CDKAL1: variants seen among roughly 807,000 people sequenced by gnomAD.
CDKAL1 encodes threonylcarbamoyladenosine tRNA methylthiotransferase.
In CDKAL1, 32 loss-of-function variants were observed where a neutral mutation model predicts 68.2. The ratio of observed to expected loss-of-function variants is 0.47; its 90% CI spans 0.35 to 0.63. CDKAL1 has a LOEUF of 0.63. CDKAL1 is among the 30% of genes least tolerant of loss of function. The pLI, the probability that CDKAL1 is intolerant of heterozygous loss-of-function variation, is 0.00. For missense variants in CDKAL1, 606 were observed against 696.7 expected (o/e 0.87, Z 1.47); for synonymous variants, 234 against 244.3 (o/e 0.96, Z 0.39).
chr6:21,121,677 C>T (rs924303755), intron 13 of CDKAL1, among the ~76,000 whole-genome samples: 9 of 152,134 alleles, frequency 5.9e-5, no homozygotes, highest in Admixed American at 2.0e-4. Context: ...CACTAGTACT[C>T]ACCACATGGT....
At chr6:21,090,643 T>C (rs1772954140) in intron 12 of CDKAL1, among the ~76,000 whole-genome samples, 1 of 152,104 alleles carries the variant, frequency 6.6e-6, no homozygotes, top group African/African-American at 2.4e-5. Flanking sequence ...TCTAGCCTTA[T>C]CTCAAACTTT....
At chr6:21,008,335 G>A (rs1324088882) in intron 11 of CDKAL1, among the ~76,000 whole-genome samples, 2 of 152,106 alleles carry the variant, frequency 1.3e-5, no homozygotes, top group Non-Finnish European at 2.9e-5. Context: ...CAGAAGTCTA[G>A]GGAACACCAA....
chr6:20,766,614 G>C (rs1354167772), intron 7 of CDKAL1, among the ~76,000 whole-genome samples: 2 of 152,112 alleles, frequency 1.3e-5, no homozygotes, highest in Admixed American at 1.3e-4. Flanking sequence ...TCATGAAGGT[G>C]AGACTACAAG....
chr6:20,832,403 C>T (rs1343814035), intron 8 of CDKAL1, among the ~76,000 whole-genome samples: 3 of 151,274 alleles, frequency 2.0e-5, no homozygotes, highest in African/African-American at 7.3e-5. Context: ...GCAAAGTTGA[C>T]ACCTAGAAAG....
At chr6:21,132,567 C>T (rs1775384471) in intron 13 of CDKAL1, among the ~76,000 whole-genome samples, 1 of 151,850 alleles carries the variant, frequency 6.6e-6, no homozygotes, top group Non-Finnish European at 1.5e-5. Flanking sequence ...GTTCTCTTTC[C>T]AAATTATCTC....
chr6:20,546,535 TC>T lies in CDKAL1; in HGVS notation c.173+14del, dbSNP rs746544453. ...CCACCAAGTGACAGGTAAGCTTTTT[TC>T]CTTGAAATTATATTCATTTTCTTTT... On this transcript the variant is annotated intron_variant, in intron 3 of 15. Coordinates refer to ENST00000274695, the MANE Select transcript of CDKAL1 (RefSeq NM_017774.3). 5 of 1,607,474 alleles carry T rather than the reference TC, an allele frequency of 3.1e-6. No homozygotes were observed. In the Admixed American group the frequency reaches 6.8e-5, roughly 22 times the overall value.
rs1487250652 is a variant in CDKAL1 at position 21,139,965 on chromosome 6, A to G, written c.1299+31502A>G. Among the ~76,000 whole-genome samples, 3 of 152,242 alleles carry G rather than the reference A, an allele frequency of 2.0e-5. 1 individual carries two copies. The highest frequency in any genetic ancestry group is 7.2e-5 in the African/African-American group (3 of 41,464). ...TTCTTCACAATCCCTAATAAGGGAAAGACTGCAAAAACGCACAGATAATTG... is the reference window on the plus strand; with the variant it reads ...TTCTTCACAATCCCTAATAAGGGAAGGACTGCAAAAACGCACAGATAATTG... On this transcript the variant is annotated intron_variant, in intron 13 of 15. Transcript: ENST00000274695.
At chr6:20,644,415 C>T (rs1334015898) in intron 4 of CDKAL1, among the ~76,000 whole-genome samples, 2 of 152,110 alleles carry the variant, frequency 1.3e-5, no homozygotes, top group Non-Finnish European at 2.9e-5. Flanking sequence ...TGGTGGCTCA[C>T]GCCTTTAATC....
Position 20,637,031 on chromosome 6 carries a change from C to T in CDKAL1, c.287-12262C>T, listed in dbSNP as rs1396397335. On this transcript the variant is annotated intron_variant, in intron 4 of 15. Transcript: ENST00000274695. Reference sequence around the variant, plus strand: ...CAGCCTGGGTGACAGAGTGAGACTCCGTCTCAAAAAAAAAAAAAAAAGAAA... The same window carrying T: ...CAGCCTGGGTGACAGAGTGAGACTCTGTCTCAAAAAAAAAAAAAAAAGAAA... Among the ~76,000 whole-genome samples, 14 of 108,624 alleles carry T rather than the reference C, an allele frequency of 1.3e-4. No individual in the cohort carries two copies. In the South Asian group the frequency reaches 2.0e-3, roughly 16 times the overall value. The allele number at this position is 108,624 out of a possible 152,430, so 71.3% of individuals were successfully genotyped here. A position where few individuals can be genotyped will look rare whatever the true frequency, so the allele number is the denominator to read the frequency against.
chr6:20,753,957 A>ATG (rs112105313), intron 6 of CDKAL1, among the ~76,000 whole-genome samples: 3,983 of 147,760 alleles, frequency 0.027, 85 homozygotes, highest in East Asian at 0.11. Flanking sequence ...TATTATCTGT[A>ATG]TGTGTGTGTG....
chr6:20,620,608 G>C (rs1767145096), intron 4 of CDKAL1, among the ~76,000 whole-genome samples: 1 of 152,052 alleles, frequency 6.6e-6, no homozygotes, highest in Non-Finnish European at 1.5e-5. Flanking sequence ...CTGGACATTT[G>C]ATAGTATTTG....
intron 13 of CDKAL1, among the ~76,000 whole-genome samples, chr6:21,113,120 A>G (rs1774205056): frequency 6.6e-6 from 1 of 152,244 alleles, no homozygotes; most frequent in Non-Finnish European, 1.5e-5. Flanking sequence ...CAGCTGCCCA[A>G]GACCACTTAA....
At chr6:20,963,726 G>A (rs545365879) in intron 10 of CDKAL1, among the ~76,000 whole-genome samples, 3 of 152,142 alleles carry the variant, frequency 2.0e-5, no homozygotes, top group Non-Finnish European at 2.9e-5. Context: ...ACAAGAACAT[G>A]CCTAGATCAT....
chr6:20,745,015 G>A (rs62399297), intron 6 of CDKAL1, among the ~76,000 whole-genome samples: 8,685 of 152,314 alleles, frequency 0.057, 288 homozygotes, highest in African/African-American at 0.099. Flanking sequence ...TTGAAAATTT[G>A]TAAATGACAA....
intron 8 of CDKAL1, among the ~76,000 whole-genome samples, chr6:20,842,579 C>T (rs1170714154): frequency 6.6e-6 from 1 of 152,208 alleles, no homozygotes; most frequent in East Asian, 1.9e-4. Context: ...CGCCTGTAAT[C>T]CCAGCACTTT....
chr6:20,554,352 A>C (rs1763953196), intron 4 of CDKAL1, among the ~76,000 whole-genome samples: 1 of 152,214 alleles, frequency 6.6e-6, no homozygotes, highest in African/African-American at 2.4e-5. Context: ...ATTTTTATAG[A>C]TTAAACTTTT....
Position 20,918,198 on chromosome 6 carries a change from C to T in CDKAL1, c.743-37221C>T, listed in dbSNP as rs553724960. ...CAGAGAAGCCTCCATCTATGAGGAA[C>T]AGGTGCTCACCAGACACCAAATCTG... On this transcript the variant is annotated intron_variant, in intron 9 of 15. Coordinates refer to ENST00000274695, the MANE Select transcript of CDKAL1 (RefSeq NM_017774.3). Among the ~76,000 whole-genome samples, 130 of 152,352 alleles carry T rather than the reference C, an allele frequency of 8.5e-4. 1 individual carries two copies. The Middle Eastern group carries it at 0.01, about 12-fold the overall frequency.
chr6:21,092,342 C>T (rs1773079472), intron 12 of CDKAL1, among the ~76,000 whole-genome samples: 1 of 150,794 alleles, frequency 6.6e-6, no homozygotes, highest in Non-Finnish European at 1.5e-5. Flanking sequence ...TGGTTTGCTG[C>T]ACCTGTCAAC....
intron 4 of CDKAL1, among the ~76,000 whole-genome samples, chr6:20,567,907 C>T (rs941553176): frequency 5.3e-5 from 8 of 149,904 alleles, no homozygotes; most frequent in Non-Finnish European, 1.0e-4. Context: ...ACGGAGTCTC[C>T]CTCTGTCGCC....
Sources: gnomAD v4.1 joint callset for allele counts (sites outside exome capture counted in the v4.1 genomes callset) on GRCh38, gnomAD v4.1.1 for gene constraint, MANE v1.5 for transcripts, NCBI Gene and HGNC (gene_info 2026-07-23, HGNC 2026-07-21) for gene names.